The following NKAIN3 variants were observed in gnomAD, a reference collection of about 807,000 sequenced individuals.
NKAIN3 encodes sodium/potassium-transporting ATPase subunit beta-1-interacting protein 3.
In NKAIN3, 25 loss-of-function variants were observed where a neutral mutation model predicts 30.2. That is an observed-to-expected ratio of 0.83 (90% CI 0.60 to 1.16). The LOEUF (loss-of-function observed/expected upper bound fraction) is 1.16, where lower values mean the gene tolerates loss of function less well. NKAIN3 is among the 50% of genes most tolerant of loss of function. The pLI is 0.00. For synonymous variants in NKAIN3, 91 were observed against 89.6 expected (o/e 1.02, Z -0.09); for missense variants, 225 against 254.1 (o/e 0.89, Z 0.78).
intron 3 of NKAIN3, among the ~76,000 whole-genome samples, chr8:62,601,721 A>G (rs1012919532): frequency 1.3e-5 from 2 of 152,046 alleles, no homozygotes; most frequent in Non-Finnish European, 2.9e-5. Context: ...CTAAATGAGA[A>G]CAAAAGCCTG....
intron 3 of NKAIN3, among the ~76,000 whole-genome samples, chr8:62,605,425 A>G (rs956349376): frequency 2.0e-5 from 3 of 151,830 alleles, no homozygotes; most frequent in Non-Finnish European, 4.4e-5. Flanking sequence ...AACCGTGCCT[A>G]TATCATTCTA....
intron 3 of NKAIN3, among the ~76,000 whole-genome samples, chr8:62,632,884 A>T (rs1812008779): frequency 6.6e-6 from 1 of 152,130 alleles, no homozygotes; most frequent in Non-Finnish European, 1.5e-5. Flanking sequence ...AGTAAATTTA[A>T]TAAAAATATG....
chr8:62,780,938 A>G (rs1817336628), intron 4 of NKAIN3, among the ~76,000 whole-genome samples: 1 of 152,042 alleles, frequency 6.6e-6, no homozygotes, highest in Non-Finnish European at 1.5e-5. Flanking sequence ...TCCTTAGCAT[A>G]GCAATAAGAC....
intron 1 of NKAIN3, among the ~76,000 whole-genome samples, chr8:62,359,294 T>G (rs1480376152): frequency 6.6e-6 from 1 of 152,236 alleles, no homozygotes; most frequent in East Asian, 1.9e-4. Context: ...AATACCATCC[T>G]TTTTATGTAC....
chr8:62,727,113 T>A (rs1226593148), intron 3 of NKAIN3, among the ~76,000 whole-genome samples: 4 of 152,092 alleles, frequency 2.6e-5, no homozygotes, highest in Admixed American at 2.0e-4. Context: ...CATGGTCATG[T>A]CAATAGATGC....
chr8:62,928,301 G>A (rs2130868137), intron 5 of NKAIN3, among the ~76,000 whole-genome samples: 1 of 152,082 alleles, frequency 6.6e-6, no homozygotes, highest in East Asian at 1.9e-4. Flanking sequence ...TTTCCTCATA[G>A]AAGGAAACAG....
In NKAIN3 at chr8:62,904,136, C is replaced by T. The variant is rs547197302; in HGVS notation, c.472-14317C>T. Among the ~76,000 whole-genome samples, 7 of 152,216 alleles carry T rather than the reference C, an allele frequency of 4.6e-5. No homozygotes were observed. In the East Asian group the frequency reaches 5.8e-4, roughly 13 times the overall value. Reference sequence around the variant, plus strand: ...CCACATGTTATGTATCTGGACATTCCGTTGTTTATCATCCTGACTTAGGAC... The same window carrying T: ...CCACATGTTATGTATCTGGACATTCTGTTGTTTATCATCCTGACTTAGGAC... On this transcript the variant is annotated intron_variant, in intron 4 of 6. Transcript: ENST00000623646.
intron 4 of NKAIN3, among the ~76,000 whole-genome samples, chr8:62,869,152 T>A (rs560770919): frequency 2.2e-4 from 33 of 152,362 alleles, no homozygotes; most frequent in East Asian, 3.9e-4. Context: ...TAACTTTTTT[T>A]AATAAATTTT....
At chr8:62,275,714 T>C (rs1156316227) in intron 1 of NKAIN3, among the ~76,000 whole-genome samples, 2 of 152,240 alleles carry the variant, frequency 1.3e-5, no homozygotes, top group African/African-American at 4.8e-5. Context: ...ACATTTGGCA[T>C]ATTACAATTT....
intron 4 of NKAIN3, among the ~76,000 whole-genome samples, chr8:62,812,680 C>T (rs930933757): frequency 2.6e-5 from 4 of 151,478 alleles, no homozygotes; most frequent in Non-Finnish European, 4.4e-5. Context: ...TTTATTTCTT[C>T]CTTTCCAATT....
chr8:62,359,905 G>A (rs1365447243), intron 1 of NKAIN3, among the ~76,000 whole-genome samples: 3 of 152,212 alleles, frequency 2.0e-5, no homozygotes, highest in Non-Finnish European at 4.4e-5. Context: ...AGGGGACAGA[G>A]GTTGATTTCA....
chr8:62,752,091 C>A (rs1225502769), intron 4 of NKAIN3, among the ~76,000 whole-genome samples: 3 of 151,938 alleles, frequency 2.0e-5, no homozygotes, highest in Admixed American at 6.6e-5. Context: ...CTCTGAAGTC[C>A]CAAAAGGGTG....
chr8:62,817,615 A>G (rs1271784898), intron 4 of NKAIN3, among the ~76,000 whole-genome samples: 2 of 152,104 alleles, frequency 1.3e-5, no homozygotes, highest in African/African-American at 2.4e-5. Flanking sequence ...GTTCAGTTCT[A>G]TGGGGATGAA....
At chr8:62,940,542 A>G (rs1822923757) in intron 5 of NKAIN3, among the ~76,000 whole-genome samples, 1 of 152,152 alleles carries the variant, frequency 6.6e-6, no homozygotes, top group South Asian at 2.1e-4. Flanking sequence ...CAACAAATTT[A>G]TGAAAATTGA....
intron 4 of NKAIN3, among the ~76,000 whole-genome samples, chr8:62,886,215 A>G (rs1277049626): frequency 6.6e-6 from 1 of 151,762 alleles, no homozygotes; most frequent in East Asian, 1.9e-4. Context: ...CAACAATTTC[A>G]TGTCCACTTT....
At chr8:62,696,666 TA>T (rs5891869) in intron 3 of NKAIN3, among the ~76,000 whole-genome samples, 26,975 of 147,242 alleles carry the variant, frequency 0.18, 2,531 homozygotes, top group East Asian at 0.36. Context: ...AGTTCCCAAT[TA>T]AAAAAAAAAA....
intron 1 of NKAIN3, among the ~76,000 whole-genome samples, chr8:62,309,580 A>C (rs958482966): frequency 6.7e-6 from 1 of 150,354 alleles, no homozygotes; most frequent in East Asian, 1.9e-4. Flanking sequence ...CATGAATGCA[A>C]ATTATGGCTC....
downstream of NKAIN3, among the ~76,000 whole-genome samples, chr8:62,987,771 C>T (rs1004861610): frequency 1.3e-5 from 2 of 152,100 alleles, no homozygotes; most frequent in Non-Finnish European, 2.9e-5. Context: ...TCCCAAATCT[C>T]ATGTCCTCAC....
chr8:62,426,007 G>C (rs1186504193), intron 1 of NKAIN3, among the ~76,000 whole-genome samples: 2 of 151,784 alleles, frequency 1.3e-5, no homozygotes, highest in African/African-American at 4.8e-5. Context: ...TACTTTAATG[G>C]ATTTGATTGA....
Sources: gnomAD v4.1 joint callset for allele counts (sites outside exome capture counted in the v4.1 genomes callset) on GRCh38, gnomAD v4.1.1 for gene constraint, MANE v1.5 for transcripts, NCBI Gene and HGNC (gene_info 2026-07-23, HGNC 2026-07-21) for gene names.